The following SCAF4 variants were observed in gnomAD, a reference collection of about 807,000 sequenced individuals.
The protein encoded by SCAF4 is SR-related CTD associated factor 4, also known as SR-related and CTD-associated factor 4.
In SCAF4, 25 loss-of-function variants were observed where a neutral mutation model predicts 129.8. The ratio of observed to expected loss-of-function variants is 0.19; its 90% CI spans 0.14 to 0.27. The LOEUF is 0.27. SCAF4 is among the 10% of genes least tolerant of loss of function. The pLI is 1.00. For synonymous variants in SCAF4, 551 were observed against 497.7 expected (o/e 1.11, Z -1.43); for missense variants, 1,246 against 1,457.1 (o/e 0.86, Z 2.36).
At chr21:31,694,400 T>C (rs1173686115) in intron 10 of SCAF4, 111 bp from the exon 11 acceptor site, 10 of 675,530 alleles carry the variant, frequency 1.5e-5, no homozygotes, top group Admixed American at 3.0e-5. Flanking sequence ...GCAATTCTCT[T>C]TTGGTTGCCT....
chr21:31,721,863 G>A (rs2051078025), intron 1 of SCAF4, among the ~76,000 whole-genome samples: 1 of 151,712 alleles, frequency 6.6e-6, no homozygotes. Flanking sequence ...TGGGATTACA[G>A]GCATGAGCCA....
chr21:31,717,850 C>T (rs1373023112), intron 1 of SCAF4, among the ~76,000 whole-genome samples: 2,706 of 114,502 alleles, frequency 0.024, 107 homozygotes, highest in African/African-American at 0.082. Flanking sequence ...TATACACACA[C>T]ACACACACAC....
chr21:31,691,433 T>A (rs1471163825), intron 14 of SCAF4, among the ~76,000 whole-genome samples: 1 of 152,222 alleles, frequency 6.6e-6, no homozygotes, highest in Non-Finnish European at 1.5e-5. Flanking sequence ...CTATATGTTT[T>A]TCTCCACCTT....
chr21:31,726,435 G>A (rs978260306), intron 1 of SCAF4, among the ~76,000 whole-genome samples: 4 of 151,996 alleles, frequency 2.6e-5, no homozygotes, highest in African/African-American at 9.7e-5. Context: ...GCTAAGGTGG[G>A]CTAATCACTT....
At chr21:31,684,204 A>T (rs2050061019) in intron 19 of SCAF4, 1 of 153,358 alleles carries the variant, frequency 6.5e-6, no homozygotes, top group South Asian at 2.1e-4. Context: ...CCTTTGAAAA[A>T]TACTATGGGC....
chr21:31,699,918 A>G (rs2050481167), intron 7 of SCAF4, among the ~76,000 whole-genome samples: 2 of 152,146 alleles, frequency 1.3e-5, no homozygotes, highest in Admixed American at 6.5e-5. Flanking sequence ...AGAAACCTAT[A>G]GGCCCGATAG....
intron 15 of SCAF4, among the ~76,000 whole-genome samples, chr21:31,690,491 T>TA (rs201852216): frequency 2.9e-3 from 445 of 150,990 alleles, no homozygotes; most frequent in Middle Eastern, 0.017. Flanking sequence ...AAAAAATAAA[T>TA]AAAAAAAAAC....
At position 31,731,978 on chromosome 21, in the gene SCAF4, C is replaced by T. The variant is rs893702856; in HGVS notation, c.-286G>A. Reference sequence around the variant, plus strand: ...TGTCCGTTTGGTGGTGGCGGCTGCGCTCTGCGTCTCGCTGACACGGCCCCC... The same window carrying T: ...TGTCCGTTTGGTGGTGGCGGCTGCGTTCTGCGTCTCGCTGACACGGCCCCC... On this transcript the variant is annotated 5_prime_UTR_variant, in exon 1 of 20. Coordinates refer to ENST00000286835, the MANE Select transcript of SCAF4 (RefSeq NM_020706.2). 1.5e-5 allele frequency: 7 copies of T among 475,082 alleles called. No individual in the cohort carries two copies. The highest frequency in any genetic ancestry group is 1.2e-4 in the African/African-American group (6 of 48,812). The allele number at this position is 475,082 out of a possible 1,614,324, so 29.4% of individuals were successfully genotyped here.
intron 1 of SCAF4, among the ~76,000 whole-genome samples, chr21:31,721,759 C>T (rs1199890173): frequency 6.9e-6 from 1 of 144,464 alleles, no homozygotes; most frequent in African/African-American, 2.6e-5. Flanking sequence ...TGGAATCTCG[C>T]TCTGTTGCCC....
At chr21:31,688,114 CAAAAAAAAAAAAAAAAAA>C (rs61592268) in intron 16 of SCAF4, among the ~76,000 whole-genome samples, 175 bp downstream of exon 16, 2 of 10,908 alleles carry the variant, frequency 1.8e-4, no homozygotes, top group African/African-American at 3.1e-4. Context: ...GACTCTGTCT[CAAAAAAAAAAAAAAAAAA>C]AAAAAAAAAA....
chr21:31,684,366 A>C (rs981576053), intron 19 of SCAF4: 1 of 152,290 alleles, frequency 6.6e-6, no homozygotes, highest in Non-Finnish European at 1.5e-5. Flanking sequence ...GTATTTATTC[A>C]TAACTTAAGC....
Position 31,685,479 on chromosome 21 carries a change from G to T in SCAF4, c.2215C>A (p.Leu739Met). The stretch of plus-strand genomic sequence containing the variant: ...ATAGGAGGTGGGGGTCCAGGAGGCA[G>T]AAAACCTAGAATAAGAAAAATAATG... ...FNPMHLPPGF[L>M]PPGPPPPITP... The change falls in exon 18 of 20, where the codon CTG becomes ATG. Residue 739 changes from leucine (L) to methionine (M), a missense_variant. Physicochemically the swap from Leu to Met is conservative, Grantham distance 15. Around this residue, in one of 6 missense-constraint regions of SCAF4, gnomAD observed 468 missense variants for 605.5 expected, o/e 0.77. Transcript: ENST00000286835. 6.2e-7 allele frequency: 1 copy of T among 1,613,480 alleles called. No homozygotes were observed. Among genetic ancestry groups the T allele is most frequent in the Non-Finnish European group, 8.5e-7 (1 of 1,179,622 alleles).
intron 5 of SCAF4, 145 bp downstream of exon 5, chr21:31,702,099 A>T (rs2050546754): frequency 7.7e-7 from 1 of 1,304,948 alleles, no homozygotes; most frequent in East Asian, 2.4e-5. Context: ...ATAAATAGGA[A>T]TTATGGAAAG....
Position 31,731,829 on chromosome 21 carries a change from G to C in SCAF4, c.-137C>G, listed in dbSNP as rs2046020316. The C allele has an allele frequency of 9.8e-7, 1 of 1,018,394 alleles. No homozygotes were observed. The highest frequency in any genetic ancestry group is 2.8e-4 in the Middle Eastern group (1 of 3,534). 63.1% of individuals were successfully genotyped at this position (1,018,394 alleles called of 1,614,324 possible). A position where few individuals can be genotyped will look rare whatever the true frequency, so the allele number is the denominator to read the frequency against. ...GCGGCGGAGTCCGAGGCCCGGGCAG[G>C]AAGAGGCTGCGCCCGAAGCGGCGAG... On this transcript the variant is annotated 5_prime_UTR_variant, in exon 1 of 20. Coordinates refer to ENST00000286835, the MANE Select transcript of SCAF4 (RefSeq NM_020706.2).
At chr21:31,685,311 A>C in intron 18 of SCAF4, 71 bp from the exon 19 acceptor site, 2 of 1,493,466 alleles carry the variant, frequency 1.3e-6, no homozygotes, top group Non-Finnish European at 1.9e-6. Flanking sequence ...TTCTTATGCC[A>C]TACTATAGAT....
At chr21:31,706,105 AAT>A (rs1265140577) in intron 2 of SCAF4, among the ~76,000 whole-genome samples, 167 bp downstream of exon 2, 1 of 152,224 alleles carries the variant, frequency 6.6e-6, no homozygotes, top group Non-Finnish European at 1.5e-5. Context: ...GCTTTGAAAC[AAT>A]ATGTTACAAT....
chr21:31,671,362 G>T lies in SCAF4; in HGVS notation c.*37C>A. The T allele has an allele frequency of 6.3e-7, 1 of 1,593,890 alleles. No individual in the cohort carries two copies. The highest frequency in any genetic ancestry group is 8.5e-7 in the Non-Finnish European group (1 of 1,170,056). ...TGTACACCTCAAGCTCTACACTCCA[G>T]GAAGTGTCACTGTCACATTTTCACA... On this transcript the variant is annotated 3_prime_UTR_variant, in exon 20 of 20. Coordinates refer to ENST00000286835, the MANE Select transcript of SCAF4 (RefSeq NM_020706.2).
chr21:31,671,874 T>A lies in SCAF4; in HGVS notation c.2969A>T (p.Gln990Leu). Residue 990 changes from glutamine to leucine, a missense_variant, in exon 20 of 20, where the codon CAG becomes CTG. Physicochemically the swap from Gln to Leu is moderately radical, Grantham distance 113. This residue lies in a region of SCAF4 where 339 missense variants were observed against 325.0 expected (regional missense o/e 1.04). Transcript: ENST00000286835. ...PQQFRNDNRQ[Q>L]FNSGRDQERF... ...TTCTTGGTCTCTACCTGAATTGAAC[T>A]GCTGCCTGTTATCATTTCTAAACTG... The A allele has an allele frequency of 6.2e-7, 1 of 1,614,216 alleles. No homozygotes were observed. Among genetic ancestry groups the A allele is most frequent in the South Asian group, 1.1e-5 (1 of 91,090 alleles).
intron 7 of SCAF4, 49 bp downstream of exon 7, chr21:31,700,946 C>T: frequency 1.3e-6 from 2 of 1,571,472 alleles, no homozygotes; most frequent in Non-Finnish European, 8.8e-7. Context: ...TTCCATAACT[C>T]AAGTTGAGTG....
Sources: gnomAD v4.1 joint callset for allele counts (sites outside exome capture counted in the v4.1 genomes callset) on GRCh38, gnomAD v4.1.1 for gene constraint, gnomAD v4.1.1 regional missense constraint, MANE v1.5 for transcripts, NCBI Gene and HGNC (gene_info 2026-07-23, HGNC 2026-07-21) for gene names.